Variants in CDYL observed in about 807,000 individuals in gnomAD.
CDYL encodes chromodomain Y like, also known as chromodomain Y-like protein.
A neutral mutation model predicts 47.3 loss-of-function variants in CDYL; 8 were observed. The ratio of observed to expected loss-of-function variants is 0.17; its 90% CI spans 0.10 to 0.31. The LOEUF (loss-of-function observed/expected upper bound fraction) is 0.31, where lower values mean the gene tolerates loss of function less well. CDYL is among the 10% of genes least tolerant of loss of function. CDYL has a pLI of 1.00. For missense variants in CDYL, 471 were observed against 701.4 expected, an observed-to-expected ratio of 0.67 and a Z score of 3.71; for synonymous variants, 266 against 265.0, an observed-to-expected ratio of 1.00 and a Z score of -0.04.
chr6:4,952,014 G>A (rs1448084401), intron 5 of CDYL, among the ~76,000 whole-genome samples: 1 of 152,090 alleles, frequency 6.6e-6, no homozygotes, highest in Non-Finnish European at 1.5e-5. Flanking sequence ...TCTGTAGTAG[G>A]TTGTAAAATA....
intron 1 of CDYL, among the ~76,000 whole-genome samples, chr6:4,789,487 G>C (rs929317214): frequency 3.3e-5 from 5 of 152,112 alleles, no homozygotes; most frequent in African/African-American, 1.2e-4. Flanking sequence ...CCTGGCCCTG[G>C]CAGCCTCCCC....
chr6:4,930,677 T>C (rs569104208), intron 2 of CDYL, among the ~76,000 whole-genome samples: 1 of 152,382 alleles, frequency 6.6e-6, no homozygotes, highest in East Asian at 1.9e-4. Context: ...TGTTAGAGAC[T>C]TGCAGTTTTT....
chr6:4,732,994 A>G (rs1435327523), intron 2 of CDYL, among the ~76,000 whole-genome samples: 1 of 152,164 alleles, frequency 6.6e-6, no homozygotes, highest in East Asian at 1.9e-4. Context: ...ATTCCTCAGC[A>G]TTCTGCTTCA....
intron 1 of CDYL, among the ~76,000 whole-genome samples, chr6:4,878,924 T>C (rs887919957): frequency 6.6e-6 from 1 of 152,154 alleles, no homozygotes; most frequent in East Asian, 1.9e-4. Flanking sequence ...TCCCACAGTA[T>C]TTTCTAACAT....
At chr6:4,897,591 A>G (rs934537776) in intron 2 of CDYL, among the ~76,000 whole-genome samples, 1 of 152,098 alleles carries the variant, frequency 6.6e-6, no homozygotes, top group East Asian at 1.9e-4. Context: ...TAGTCTCAGA[A>G]ATTAGAACTT....
intron 1 of CDYL, among the ~76,000 whole-genome samples, chr6:4,840,708 G>C (rs946507981): frequency 6.6e-6 from 1 of 152,056 alleles, no homozygotes; most frequent in Admixed American, 6.6e-5. Context: ...ATTGACTTGC[G>C]TATTTTAAAC....
At chr6:4,785,506 C>T (rs549074611) in intron 1 of CDYL, among the ~76,000 whole-genome samples, 4 of 152,218 alleles carry the variant, frequency 2.6e-5, no homozygotes, top group Middle Eastern at 3.4e-3. Context: ...AAAATGTATC[C>T]GTTTTTCACT....
In CDYL at chr6:4,725,869, C is replaced by T. The variant is rs562395234; in HGVS notation, c.104-8893C>T. The stretch of plus-strand genomic sequence containing the variant: ...ACTCCGGACACGCTGTCACCTCTCA[C>T]TCTTATCAAAGGTGAGCATCTCTGT... On this transcript the variant is annotated intron_variant, in intron 2 of 8. Transcript: ENST00000328908. 2.0e-5 allele frequency among the ~76,000 whole-genome samples: 3 copies of T among 152,364 alleles called. No homozygotes were observed. The South Asian group carries it at 6.2e-4, about 32-fold the overall frequency.
chr6:4,842,176 A>T (rs992853292), intron 1 of CDYL, among the ~76,000 whole-genome samples: 1 of 144,538 alleles, frequency 6.9e-6, no homozygotes, highest in African/African-American at 2.5e-5. Context: ...TATATTATAT[A>T]ATAAATTATT....
chr6:4,947,903 C>T (rs144515685), intron 5 of CDYL, among the ~76,000 whole-genome samples: 33 of 152,254 alleles, frequency 2.2e-4, no homozygotes, highest in African/African-American at 7.2e-4. Flanking sequence ...AGGCCCTGAG[C>T]TCTCTGTTGC....
At chr6:4,935,425 A>G (rs1393955480) in intron 2 of CDYL, 90 bp from the exon 3 acceptor site, 2 of 1,113,698 alleles carry the variant, frequency 1.8e-6, no homozygotes, top group East Asian at 2.4e-5. Flanking sequence ...TAAGTGTGTA[A>G]TGAACATCTT....
At chr6:4,823,416 CTTGA>C (rs1162943772) in intron 1 of CDYL, among the ~76,000 whole-genome samples, 1 of 152,198 alleles carries the variant, frequency 6.6e-6, no homozygotes, top group Admixed American at 6.5e-5. Flanking sequence ...GTTCAGAAAT[CTTGA>C]TTGGCATTCA....
intron 1 of CDYL, among the ~76,000 whole-genome samples, chr6:4,835,235 A>G (rs898964886): frequency 6.6e-6 from 1 of 152,148 alleles, no homozygotes; most frequent in Admixed American, 6.5e-5. Context: ...ATGGTGATAT[A>G]CAGATGGGTT....
At chr6:4,905,646 G>T (rs530272019) in intron 2 of CDYL, among the ~76,000 whole-genome samples, 1 of 152,140 alleles carries the variant, frequency 6.6e-6, no homozygotes, top group Non-Finnish European at 1.5e-5. Flanking sequence ...AGAGCCGAAG[G>T]GCCATGTTTA....
chr6:4,750,582 G>A (rs1757972334), intron 3 of CDYL, among the ~76,000 whole-genome samples: 1 of 152,214 alleles, frequency 6.6e-6, no homozygotes, highest in African/African-American at 2.4e-5. Context: ...CCAGAGGACT[G>A]CTGGAGCCTA....
intron 2 of CDYL, among the ~76,000 whole-genome samples, chr6:4,904,806 T>A (rs1757177532): frequency 6.6e-6 from 1 of 152,218 alleles, no homozygotes; most frequent in African/African-American, 2.4e-5. Context: ...GGCCTCATCG[T>A]ACAGCTACAG....
intron 1 of CDYL, among the ~76,000 whole-genome samples, chr6:4,886,518 A>G (rs1581236113): frequency 6.6e-6 from 1 of 152,162 alleles, no homozygotes; most frequent in East Asian, 1.9e-4. Flanking sequence ...TCATTTGTGT[A>G]TCTTCTTCGG....
chr6:4,733,584 TACTC>T (rs1388713977), intron 2 of CDYL, among the ~76,000 whole-genome samples: 8 of 152,352 alleles, frequency 5.3e-5, no homozygotes, highest in Admixed American at 2.0e-4. Flanking sequence ...TCCCCTTCCT[TACTC>T]CTTGTGCTGA....
intron 1 of CDYL, among the ~76,000 whole-genome samples, chr6:4,865,757 G>A (rs1399920360): frequency 1.3e-5 from 2 of 152,210 alleles, no homozygotes; most frequent in Admixed American, 1.3e-4. Flanking sequence ...TGAAGATAAA[G>A]TGATTTTAAA....
Sources: allele counts gnomAD v4.1 joint callset (sites outside exome capture counted in the v4.1 genomes callset), GRCh38; gene constraint gnomAD v4.1.1; transcripts MANE v1.5; gene names NCBI Gene and HGNC (gene_info 2026-07-23, HGNC 2026-07-21).